BLNK: variants seen among roughly 807,000 people sequenced by gnomAD.
The protein encoded by BLNK is B cell linker.
A neutral mutation model predicts 73.5 loss-of-function variants in BLNK; 29 were observed. The observed-to-expected ratio is 0.39, with a 90% CI of 0.29 to 0.54. BLNK has a LOEUF of 0.54. BLNK is among the 20% of genes least tolerant of loss of function. The pLI, the probability that BLNK is intolerant of heterozygous loss-of-function variation, is 0.61. For synonymous variants in BLNK, 176 were observed against 200.8 expected (o/e 0.88, Z 1.04); for missense variants, 460 against 562.8 (o/e 0.82, Z 1.85).
At chr10:96,206,906 A>G (rs782477246) in intron 11 of BLNK, 105 bp downstream of exon 11, 1 of 1,238,528 alleles carries the variant, frequency 8.1e-7, no homozygotes, top group Non-Finnish European at 1.2e-6. Context: ...ATTGAGTTTC[A>G]TGTTTACAAT....
At chr10:96,264,343 G>A (rs782393459) in intron 1 of BLNK, among the ~76,000 whole-genome samples, 2 of 152,112 alleles carry the variant, frequency 1.3e-5, no homozygotes, top group African/African-American at 2.4e-5. Flanking sequence ...TGGTTAGGTG[G>A]ACTTAAAAGG....
At chr10:96,214,962 C>T (rs900167606) in intron 8 of BLNK, among the ~76,000 whole-genome samples, 13 of 152,088 alleles carry the variant, frequency 8.5e-5, no homozygotes, top group Admixed American at 6.5e-4. Context: ...GGGTTCCAAC[C>T]GAGGTCTGTC....
At chr10:96,267,898 A>G (rs1385845104) in intron 1 of BLNK, among the ~76,000 whole-genome samples, 1 of 152,244 alleles carries the variant, frequency 6.6e-6, no homozygotes, top group Non-Finnish European at 1.5e-5. Context: ...TGAAAGTCCT[A>G]TAATCACTAT....
intron 2 of BLNK, among the ~76,000 whole-genome samples, chr10:96,245,078 A>C (rs1554907322): frequency 6.6e-6 from 1 of 151,932 alleles, no homozygotes; most frequent in African/African-American, 2.4e-5. Context: ...TCTCCCACTC[A>C]TCAGACAGAA....
chr10:96,263,184 A>G lies in BLNK; in HGVS notation c.47+8168T>C, dbSNP rs541097046. On this transcript the variant is annotated intron_variant, in intron 1 of 16. Coordinates refer to ENST00000224337, the MANE Select transcript of BLNK (RefSeq NM_013314.4). ...GCAGGGCCCCTTGGTCGAAATTGTT[A>G]AGAATTTCAGGACTGCAACAGCAGA... is the stretch of plus-strand genomic sequence containing the variant. 2.0e-5 allele frequency among the ~76,000 whole-genome samples: 3 copies of G among 152,382 alleles called. No homozygotes were observed. The South Asian group carries it at 6.2e-4, about 32-fold the overall frequency.
chr10:96,197,909 A>G (rs1399234465), intron 15 of BLNK, among the ~76,000 whole-genome samples: 2 of 133,750 alleles, frequency 1.5e-5, no homozygotes, highest in Non-Finnish European at 3.4e-5. Context: ...GAGCGAGACA[A>G]CATCAAAAAA....
At chr10:96,228,707 C>T (rs1417381030) in intron 4 of BLNK, among the ~76,000 whole-genome samples, 1 of 152,196 alleles carries the variant, frequency 6.6e-6, no homozygotes, top group East Asian at 1.9e-4. Flanking sequence ...CACTAGGTTT[C>T]TTGTGCATGT....
At chr10:96,258,834 G>T (rs1554911897) in intron 1 of BLNK, among the ~76,000 whole-genome samples, 1 of 152,074 alleles carries the variant, frequency 6.6e-6, no homozygotes, top group Non-Finnish European at 1.5e-5. Flanking sequence ...TGTGAGGGAG[G>T]TCCTATTATC....
chr10:96,234,976 G>T (rs1842644559), intron 3 of BLNK, among the ~76,000 whole-genome samples: 2 of 152,292 alleles, frequency 1.3e-5, no homozygotes, highest in Non-Finnish European at 2.9e-5. Flanking sequence ...CCTGGTTTGG[G>T]GCTTATGCTC....
At chr10:96,194,622 C>T (rs1205692952) in intron 16 of BLNK, among the ~76,000 whole-genome samples, 2 of 151,962 alleles carry the variant, frequency 1.3e-5, no homozygotes. Context: ...TATCCAGAAA[C>T]ATAAAGAACT....
chr10:96,198,629 T>C (rs587709301), intron 15 of BLNK, among the ~76,000 whole-genome samples: 2 of 152,272 alleles, frequency 1.3e-5, no homozygotes, highest in African/African-American at 2.4e-5. Context: ...CAAACTCAAA[T>C]TAAGGATTTT....
intron 9 of BLNK, among the ~76,000 whole-genome samples, chr10:96,208,592 C>G (rs1339723873): frequency 9.9e-5 from 15 of 152,130 alleles, no homozygotes; most frequent in Non-Finnish European, 1.9e-4. Flanking sequence ...TCAATGAACT[C>G]AAGATTCCAA....
intron 16 of BLNK, among the ~76,000 whole-genome samples, chr10:96,193,911 T>G (rs2083392533): frequency 6.6e-6 from 1 of 152,228 alleles, no homozygotes; most frequent in South Asian, 2.1e-4. Context: ...ATGTTCAGTG[T>G]ATAGGGGACA....
intron 6 of BLNK, among the ~76,000 whole-genome samples, chr10:96,218,509 T>C (rs587687020): frequency 5.5e-4 from 84 of 152,170 alleles, no homozygotes; most frequent in African/African-American, 2.0e-3. Flanking sequence ...CTGGGCAACA[T>C]GGTGAAACCC....
intron 11 of BLNK, chr10:96,204,914 T>C (rs2083755663): frequency 2.7e-6 from 1 of 375,960 alleles, no homozygotes; most frequent in South Asian, 2.2e-5. Flanking sequence ...TGTGTGAGTA[T>C]AGGTGGAAGC....
rs782569622 is a variant in BLNK at position 96,204,107 on chromosome 10, G to A, written c.903-19C>T. On this transcript the variant is annotated intron_variant, in intron 12 of 16. Coordinates refer to ENST00000224337, the MANE Select transcript of BLNK (RefSeq NM_013314.4). The stretch of plus-strand genomic sequence containing the variant: ...GATTTGTCTGCAAGAAAGAATTTCA[G>A]ATAATTAAAGGACAAAGCACAATAT... The A allele has an allele frequency of 4.1e-5, 66 of 1,613,468 alleles. No individual in the cohort carries two copies. Among genetic ancestry groups the A allele is most frequent in the Non-Finnish European group, 5.3e-5 (63 of 1,179,578 alleles).
intron 16 of BLNK, among the ~76,000 whole-genome samples, chr10:96,196,418 A>AT (rs201144805): frequency 1.9e-3 from 295 of 151,748 alleles, no homozygotes; most frequent in African/African-American, 2.9e-3. Context: ...GACCCATGTG[A>AT]TTTTTTTTTC....
intron 16 of BLNK, among the ~76,000 whole-genome samples, chr10:96,193,069 C>T (rs2083369044): frequency 6.6e-6 from 1 of 152,138 alleles, no homozygotes. Flanking sequence ...GCCAACATTT[C>T]CAAATGAAAT....
intron 3 of BLNK, among the ~76,000 whole-genome samples, chr10:96,236,639 T>C (rs1413867191): frequency 7.9e-5 from 12 of 152,080 alleles, no homozygotes; most frequent in African/African-American, 2.9e-4. Context: ...CTGGACAACA[T>C]AGTGAGACAT....
Sources: allele counts gnomAD v4.1 joint callset (sites outside exome capture counted in the v4.1 genomes callset), GRCh38; gene constraint gnomAD v4.1.1; transcripts MANE v1.5; gene names NCBI Gene and HGNC (gene_info 2026-07-23, HGNC 2026-07-21).